The following SGCZ variants were observed in gnomAD, a reference collection of about 807,000 sequenced individuals.
SGCZ encodes sarcoglycan zeta, also known as zeta-sarcoglycan.
A neutral mutation model predicts 41.3 loss-of-function variants in SGCZ; 40 were observed. The observed-to-expected ratio is 0.97, with a 90% confidence interval of 0.75 to 1.26. The LOEUF is 1.26. Among genes scored for constraint, SGCZ ranks in the 50% most tolerant of loss-of-function variants. The probability of loss-of-function intolerance (pLI) is 0.00; values close to 1 mark genes in which losing one functional copy is unlikely to be tolerated. For synonymous variants in SGCZ, 206 were observed against 137.5 expected (o/e 1.50, Z -3.49); for missense variants, 552 against 369.8 (o/e 1.49, Z -4.04).
intron 2 of SGCZ, among the ~76,000 whole-genome samples, chr8:14,417,972 C>T (rs986317964): frequency 2.0e-5 from 3 of 151,792 alleles, no homozygotes; most frequent in South Asian, 2.1e-4. Context: ...TTTGTCGAAG[C>T]GTATCTTTCT....
chr8:15,087,861 A>G (rs2131057047), intron 1 of SGCZ, among the ~76,000 whole-genome samples: 1 of 152,296 alleles, frequency 6.6e-6, no homozygotes, highest in East Asian at 1.9e-4. Flanking sequence ...AGAATATATA[A>G]GGCATAGTAT....
chr8:14,263,437 T>C (rs1799749429), intron 3 of SGCZ, among the ~76,000 whole-genome samples: 1 of 151,872 alleles, frequency 6.6e-6, no homozygotes. Context: ...AAATCCCAGC[T>C]ACTCAGGAGG....
At chr8:14,378,978 T>G (rs1224868220) in intron 2 of SGCZ, among the ~76,000 whole-genome samples, 1 of 152,220 alleles carries the variant, frequency 6.6e-6, no homozygotes, top group African/African-American at 2.4e-5. Flanking sequence ...AATGGATGCT[T>G]TCTTACGTAA....
intron 1 of SGCZ, among the ~76,000 whole-genome samples, chr8:14,581,605 C>A (rs780886604): frequency 1.3e-5 from 2 of 152,076 alleles, no homozygotes; most frequent in African/African-American, 4.8e-5. Flanking sequence ...AGAGGCAAAA[C>A]AGAATCACCT....
Position 14,245,461 on chromosome 8 carries a change from C to T in SGCZ, c.337-7782G>A, listed in dbSNP as rs573206226. On this transcript the variant is annotated intron_variant, in intron 3 of 7. Transcript: ENST00000382080. ...AAATTCATTCAAGATGGATTAAAGA[C>T]TTAAACGTTAGATCTAAAACCATAA... is the stretch of plus-strand genomic sequence containing the variant. 2.0e-5 allele frequency among the ~76,000 whole-genome samples: 3 copies of T among 152,318 alleles called. No homozygotes were observed. In the South Asian group the frequency reaches 6.2e-4, roughly 32 times the overall value.
chr8:14,199,645 A>G (rs1292704441), intron 4 of SGCZ, among the ~76,000 whole-genome samples: 2 of 152,002 alleles, frequency 1.3e-5, no homozygotes, highest in Non-Finnish European at 2.9e-5. Flanking sequence ...CAGCTTTAAA[A>G]TTTCACTCTT....
At chr8:15,098,796 C>T (rs150791107) in intron 1 of SGCZ, among the ~76,000 whole-genome samples, 2 of 152,188 alleles carry the variant, frequency 1.3e-5, no homozygotes, top group East Asian at 3.9e-4. Flanking sequence ...CCATGGCTCA[C>T]GCCTGTAATC....
rs538778627 is a variant in SGCZ at position 14,185,065 on chromosome 8, T to C, written c.425-20363A>G. Among the ~76,000 whole-genome samples, 6 of 152,318 alleles carry C rather than the reference T, an allele frequency of 3.9e-5. 1 individual carries two copies. In the Middle Eastern group the frequency reaches 0.01, roughly 259 times the overall value. ...TATAATACAGCAAATGCTTTAGTTA[T>C]GTATTTGTACTACAAAATTTTTCCA... On this transcript the variant is annotated intron_variant, in intron 4 of 7. Coordinates refer to ENST00000382080, the MANE Select transcript of SGCZ (RefSeq NM_139167.4).
chr8:14,238,850 T>G (rs993083061), intron 3 of SGCZ, among the ~76,000 whole-genome samples: 2 of 152,098 alleles, frequency 1.3e-5, no homozygotes, highest in Non-Finnish European at 2.9e-5. Context: ...AATATCATCC[T>G]TACCATCTAG....
At chr8:14,860,155 C>T (rs1378569261) in intron 1 of SGCZ, among the ~76,000 whole-genome samples, 3 of 151,672 alleles carry the variant, frequency 2.0e-5, no homozygotes, top group African/African-American at 7.3e-5. Context: ...CTCTAATTGA[C>T]TAAAAACTCG....
chr8:14,643,500 G>T (rs1383753243), intron 1 of SGCZ, among the ~76,000 whole-genome samples: 1 of 150,856 alleles, frequency 6.6e-6, no homozygotes, highest in Non-Finnish European at 1.5e-5. Flanking sequence ...GGAATGAGCA[G>T]ATGCGAAGAA....
At chr8:14,251,278 A>G (rs192427404) in intron 3 of SGCZ, among the ~76,000 whole-genome samples, 27 of 152,294 alleles carry the variant, frequency 1.8e-4, no homozygotes, top group Admixed American at 3.9e-4. Flanking sequence ...ACTCAAAGGC[A>G]CTGATATCTA....
At chr8:14,786,649 T>C (rs933340741) in intron 1 of SGCZ, among the ~76,000 whole-genome samples, 4 of 152,040 alleles carry the variant, frequency 2.6e-5, no homozygotes, top group African/African-American at 4.8e-5. Flanking sequence ...TAAATACACA[T>C]ATAAACAAAT....
At chr8:14,624,123 A>C (rs1806371728) in intron 1 of SGCZ, among the ~76,000 whole-genome samples, 2 of 152,212 alleles carry the variant, frequency 1.3e-5, no homozygotes, top group Non-Finnish European at 1.5e-5. Context: ...TCCTTAAAAG[A>C]TTCAACAAGT....
chr8:15,011,789 T>C (rs1802835088), intron 1 of SGCZ, among the ~76,000 whole-genome samples: 1 of 152,210 alleles, frequency 6.6e-6, no homozygotes, highest in African/African-American at 2.4e-5. Context: ...TATGAACTTA[T>C]CACTGCAAAT....
chr8:14,611,904 C>T (rs544784709), intron 1 of SGCZ, among the ~76,000 whole-genome samples: 1 of 152,192 alleles, frequency 6.6e-6, no homozygotes, highest in South Asian at 2.1e-4. Flanking sequence ...AGTACATATG[C>T]TATTTGCACT....
At chr8:14,492,203 T>G (rs1046487441) in intron 2 of SGCZ, among the ~76,000 whole-genome samples, 9 of 152,196 alleles carry the variant, frequency 5.9e-5, no homozygotes, top group African/African-American at 2.2e-4. Context: ...CACCAGCAGT[T>G]ACATCATCAC....
At chr8:14,706,046 C>A (rs1809322632) in intron 1 of SGCZ, among the ~76,000 whole-genome samples, 1 of 151,860 alleles carries the variant, frequency 6.6e-6, no homozygotes, top group African/African-American at 2.4e-5. Context: ...ATTTATTTTT[C>A]TTTTATTGGG....
At chr8:14,365,240 T>C (rs1185129058) in intron 2 of SGCZ, among the ~76,000 whole-genome samples, 4 of 152,108 alleles carry the variant, frequency 2.6e-5, no homozygotes, top group African/African-American at 9.6e-5. Context: ...AATGCATTTA[T>C]TGTCTCAAAA....
Sources: allele counts gnomAD v4.1 joint callset (sites outside exome capture counted in the v4.1 genomes callset), GRCh38; gene constraint gnomAD v4.1.1; transcripts MANE v1.5; gene names NCBI Gene and HGNC (gene_info 2026-07-23, HGNC 2026-07-21).